GALNT18: variants seen among roughly 807,000 people sequenced by gnomAD.
The protein encoded by GALNT18 is GalNAc-transferase 18.
In GALNT18, 44 loss-of-function variants were observed where a neutral mutation model predicts 69.5. The observed-to-expected ratio is 0.63, with a 90% CI of 0.50 to 0.81. GALNT18 has a LOEUF of 0.81. Among genes scored for constraint, GALNT18 ranks in the 40% least tolerant of loss-of-function variants. The pLI is 0.00. For missense variants in GALNT18, 715 were observed against 810.0 expected (o/e 0.88, Z 1.42); for synonymous variants, 364 against 318.2 (o/e 1.14, Z -1.53).
intron 6 of GALNT18, chr11:11,352,553 A>G: frequency 6.2e-7 from 1 of 1,614,154 alleles, no homozygotes; most frequent in Admixed American, 1.7e-5. Context: ...CAACTCGGAC[A>G]TTATATTCTT....
Position 11,591,291 on chromosome 11 carries a change from G to A in GALNT18, c.235+30068C>T, listed in dbSNP as rs1304228819. Among the ~76,000 whole-genome samples, 1 of 152,014 alleles carries A rather than the reference G, an allele frequency of 6.6e-6. No homozygotes were observed. The highest frequency in any genetic ancestry group is 1.5e-5 in the Non-Finnish European group (1 of 68,008). On this transcript the variant is annotated intron_variant, in intron 1 of 10. Transcript: ENST00000227756. This position sits in a 1 kb window ranked among gnomAD's most constrained non-coding sequence, Gnocchi z 4.8. Reference sequence around the variant, plus strand: ...AATATTATCGTTGTGCAAACTTTATGAAGTTTGCACACTGATAATACTGTG... The same window carrying A: ...AATATTATCGTTGTGCAAACTTTATAAAGTTTGCACACTGATAATACTGTG...
chr11:11,600,455 G>C lies in GALNT18; in HGVS notation c.235+20904C>G, dbSNP rs1266483500. Among the ~76,000 whole-genome samples the C allele has an allele frequency of 6.6e-6, 1 of 151,936 alleles. No individual in the cohort carries two copies. The highest frequency in any genetic ancestry group is 1.5e-5 in the Non-Finnish European group (1 of 67,944). ...TAACTTTTTTTTCTTTCAGCACTTT[G>C]AATATATCATCCCACTGCCTTTTAT... On this transcript the variant is annotated intron_variant, in intron 1 of 10. Coordinates refer to ENST00000227756, the MANE Select transcript of GALNT18 (RefSeq NM_198516.3). This position sits in a 1 kb window ranked among gnomAD's most constrained non-coding sequence, Gnocchi z 4.8.
chr11:11,540,293 C>G lies in GALNT18; in HGVS notation c.235+81066G>C, dbSNP rs976769395. On this transcript the variant is annotated intron_variant, in intron 1 of 10. Transcript: ENST00000227756. The surrounding 1 kb of genome is among the most constrained non-coding windows in gnomAD (Gnocchi z 4.6). ...CTTTGTTGAAGGGCCCTGGAAGGTGCAGGATAAATGTTTTTCTTCGTCGTT... is the reference window on the plus strand; with the variant it reads ...CTTTGTTGAAGGGCCCTGGAAGGTGGAGGATAAATGTTTTTCTTCGTCGTT... Among the ~76,000 whole-genome samples, 1 of 152,142 alleles carries G rather than the reference C, an allele frequency of 6.6e-6. No individual in the cohort carries two copies. Among genetic ancestry groups the G allele is most frequent in the Admixed American group, 6.5e-5 (1 of 15,274 alleles).
chr11:11,428,627 C>T (rs1855192136), intron 3 of GALNT18, among the ~76,000 whole-genome samples: 4 of 152,230 alleles, frequency 2.6e-5, no homozygotes, highest in Admixed American at 2.6e-4. Context: ...GGCCCTGCTC[C>T]AAACTCTGGC....
chr11:11,385,298 A>ATTTT (rs113464471), intron 3 of GALNT18, among the ~76,000 whole-genome samples: 1 of 146,224 alleles, frequency 6.8e-6, no homozygotes, highest in Non-Finnish European at 1.5e-5. Flanking sequence ...TGGGGATCAA[A>ATTTT]TTTTTTTTTT....
intron 1 of GALNT18, among the ~76,000 whole-genome samples, chr11:11,544,028 C>T (rs372374727): frequency 9.6e-4 from 146 of 152,344 alleles, no homozygotes; most frequent in African/African-American, 3.4e-3. Flanking sequence ...GCGCACAAGG[C>T]TTCCTCGTCA....
At chr11:11,506,188 C>T (rs569712171) in intron 1 of GALNT18, among the ~76,000 whole-genome samples, 1 of 152,228 alleles carries the variant, frequency 6.6e-6, no homozygotes, top group Non-Finnish European at 1.5e-5. Flanking sequence ...CTCCAGCATA[C>T]AGCTCCTCTG....
At chr11:11,419,470 G>C (rs916881955) in intron 3 of GALNT18, among the ~76,000 whole-genome samples, 1 of 151,584 alleles carries the variant, frequency 6.6e-6, no homozygotes, top group Non-Finnish European at 1.5e-5. Context: ...GGTAGCGCAC[G>C]CCTGTAATCC....
intron 4 of GALNT18, among the ~76,000 whole-genome samples, chr11:11,378,474 C>T (rs1853828897): frequency 6.6e-6 from 1 of 152,234 alleles, no homozygotes; most frequent in Non-Finnish European, 1.5e-5. Context: ...CTATTCCTGG[C>T]TGGCTGCAGC....
chr11:11,484,665 T>C (rs1856606381), intron 1 of GALNT18, among the ~76,000 whole-genome samples: 3 of 150,286 alleles, frequency 2.0e-5, no homozygotes, highest in Middle Eastern at 3.6e-3. Flanking sequence ...TCTGCTGCCT[T>C]CAAATGATGG....
chr11:11,273,670 A>C (rs1848874056), intron 10 of GALNT18, among the ~76,000 whole-genome samples: 1 of 152,190 alleles, frequency 6.6e-6, no homozygotes. Flanking sequence ...ACTACTGTAT[A>C]ATCTAGCAAT....
At chr11:11,418,548 T>C (rs1314561107) in intron 3 of GALNT18, among the ~76,000 whole-genome samples, 1 of 152,184 alleles carries the variant, frequency 6.6e-6, no homozygotes, top group Non-Finnish European at 1.5e-5. Flanking sequence ...GTGACTGAGA[T>C]CTCTCCTCTG....
chr11:11,304,643 C>T (rs1385300351), intron 9 of GALNT18, among the ~76,000 whole-genome samples: 1 of 152,184 alleles, frequency 6.6e-6, no homozygotes, highest in African/African-American at 2.4e-5. Context: ...ATTTGTTGTT[C>T]GAAATAGTCT....
Position 11,587,413 on chromosome 11 carries a change from C to A in GALNT18, c.235+33946G>T, listed in dbSNP as rs757977874. Among the ~76,000 whole-genome samples the A allele has an allele frequency of 6.6e-6, 1 of 152,166 alleles. No homozygotes were observed. The highest frequency in any genetic ancestry group is 2.1e-4 in the South Asian group (1 of 4,824). ...AAAGCAGGCTTCCCTTCAAGGAATC[C>A]GTTACACACCAAATCAGTGAAGACT... On this transcript the variant is annotated intron_variant, in intron 1 of 10. Coordinates refer to ENST00000227756, the MANE Select transcript of GALNT18 (RefSeq NM_198516.3). This position sits in a 1 kb window ranked among gnomAD's most constrained non-coding sequence, Gnocchi z 4.4.
intron 10 of GALNT18, among the ~76,000 whole-genome samples, chr11:11,283,733 C>T (rs1849134816): frequency 6.6e-6 from 1 of 152,104 alleles, no homozygotes; most frequent in Admixed American, 6.5e-5. Context: ...ACTACAACTA[C>T]ATAATCTGGA....
At chr11:11,385,303 T>TA (rs1854023431) in intron 3 of GALNT18, among the ~76,000 whole-genome samples, 1 of 151,380 alleles carries the variant, frequency 6.6e-6, no homozygotes, top group African/African-American at 2.4e-5. Context: ...ATCAAATTTT[T>TA]TTTTTTTTTT....
At chr11:11,385,508 G>A (rs561809987) in intron 3 of GALNT18, among the ~76,000 whole-genome samples, 52 of 152,192 alleles carry the variant, frequency 3.4e-4, no homozygotes, top group African/African-American at 1.1e-3. Flanking sequence ...TGTTAGCCAG[G>A]ATGGTCTCGA....
intron 8 of GALNT18, among the ~76,000 whole-genome samples, chr11:11,328,758 T>C (rs1039145711): frequency 1.3e-5 from 2 of 152,196 alleles, no homozygotes; most frequent in African/African-American, 4.8e-5. Context: ...GAAGAGCATA[T>C]GTAAACACAC....
chr11:11,306,384 T>C (rs1410620847), intron 9 of GALNT18, among the ~76,000 whole-genome samples: 1 of 149,366 alleles, frequency 6.7e-6, no homozygotes, highest in Non-Finnish European at 1.5e-5. Flanking sequence ...AGTAGGAAGA[T>C]GTTAGCCCAG....
Sources: gnomAD v4.1 joint callset for allele counts (sites outside exome capture counted in the v4.1 genomes callset) on GRCh38, gnomAD v4.1.1 for gene constraint, Gnocchi (gnomAD v3.1) non-coding constraint, MANE v1.5 for transcripts, NCBI Gene and HGNC (gene_info 2026-07-23, HGNC 2026-07-21) for gene names.